Variants in SEC14L6 observed in about 807,000 individuals in gnomAD.
The protein encoded by SEC14L6 is SEC14 like lipid binding 6, also known as SEC14-like protein 6.
A neutral mutation model predicts 54.1 loss-of-function variants in SEC14L6; 40 were observed. The ratio of observed to expected loss-of-function variants is 0.74; its 90% CI spans 0.57 to 0.96. SEC14L6 has a LOEUF of 0.96. Among genes scored for constraint, SEC14L6 ranks in the 40% least tolerant of loss-of-function variants. The pLI is 0.00. For missense variants in SEC14L6, 471 were observed against 498.3 expected, an observed-to-expected ratio of 0.95 and a Z score of 0.52; for synonymous variants, 171 against 198.4, an observed-to-expected ratio of 0.86 and a Z score of 1.16.
At chr22:30,543,213 G>A in intron 1 of SEC14L6, 4 of 1,603,478 alleles carry the variant, frequency 2.5e-6, no homozygotes, top group Non-Finnish European at 3.4e-6. Flanking sequence ...CAGCCAATGT[G>A]GTGCTGACCC....
At chr22:30,533,643 C>T (rs1005407621) in intron 3 of SEC14L6, among the ~76,000 whole-genome samples, 3 of 152,052 alleles carry the variant, frequency 2.0e-5, no homozygotes, top group African/African-American at 7.2e-5. Context: ...CACCTCAGGG[C>T]CTTTGCATGA....
Position 30,534,028 on chromosome 22 carries a change from C to G in SEC14L6, c.142G>C (p.Asp48His). 7 of 1,550,858 alleles carry G rather than the reference C, an allele frequency of 4.5e-6. No individual in the cohort carries two copies. Among genetic ancestry groups the G allele is most frequent in the Non-Finnish European group, 5.2e-6 (6 of 1,147,010 alleles). ...LLRWLQARSF[D>H]LQKSEDMLRK... ...AGCATGTCCTCTGATTTCTGCAGGT[C>G]AAAGCTCCGAGCTGCAACAAGAGAC... Residue 48 changes from aspartate (D) to histidine (H), a missense_variant, in exon 3 of 12, where the codon GAC (aspartate) becomes CAC (histidine). Transcript: ENST00000402034.
chr22:30,543,348 A>G, intron 1 of SEC14L6: 1 of 1,572,492 alleles, frequency 6.4e-7, no homozygotes, highest in Non-Finnish European at 8.8e-7. Flanking sequence ...AGGTTACTCA[A>G]CAGCCCATGA....
chr22:30,535,818 C>T lies in SEC14L6; in HGVS notation c.131-1779G>A, dbSNP rs1937121999. On this transcript the variant is annotated intron_variant, in intron 2 of 11. Coordinates refer to ENST00000402034, the MANE Select transcript of SEC14L6 (RefSeq NM_001193336.4). ...CTCAACTTCCCAGGCTCAAGTGATCCTCCTACCTCAGCCTCCCCAGTAGCT... is the reference window on the plus strand; with the variant it reads ...CTCAACTTCCCAGGCTCAAGTGATCTTCCTACCTCAGCCTCCCCAGTAGCT... Among the ~76,000 whole-genome samples, 3 of 152,100 alleles carry T rather than the reference C, an allele frequency of 2.0e-5. No individual in the cohort carries two copies. In the South Asian group the frequency reaches 6.2e-4, roughly 32 times the overall value.
In SEC14L6 at chr22:30,524,839, C is replaced by T. The variant is rs150405023; in HGVS notation, c.*158G>A. 7.8e-4 allele frequency: 470 copies of T among 604,620 alleles called. 3 individuals carry two copies. The East Asian group carries it at 7.9e-3, about 10-fold the overall frequency. 37.5% of individuals were successfully genotyped at this position (604,620 alleles called of 1,614,324 possible). A position where few individuals can be genotyped will look rare whatever the true frequency, so the allele number is the denominator to read the frequency against. On this transcript the variant is annotated 3_prime_UTR_variant, in exon 12 of 12. Transcript: ENST00000402034. ...GCCACCACTAGGACACTGTCCCAGC[C>T]GTTCCTGAGGAGTGGGCCAGCTGTG...
intron 2 of SEC14L6, among the ~76,000 whole-genome samples, chr22:30,537,748 T>C (rs774215703): frequency 1.3e-5 from 2 of 152,248 alleles, no homozygotes; most frequent in African/African-American, 2.4e-5. Context: ...GTTATCTTTC[T>C]ATTGTTCTGT....
At position 30,534,951 on chromosome 22, in the gene SEC14L6, G is replaced by A. The variant is rs1044840093; in HGVS notation, c.131-912C>T. ...GAGGCAGGAGAATCACTTGAACCCA[G>A]GAGGTGGAGGTTGCAGTGACATTGC... is the stretch of plus-strand genomic sequence containing the variant. On this transcript the variant is annotated intron_variant, in intron 2 of 11. Transcript: ENST00000402034. 4.0e-5 allele frequency among the ~76,000 whole-genome samples: 6 copies of A among 151,898 alleles called. No individual in the cohort carries two copies. In the South Asian group the frequency reaches 1.2e-3, roughly 32 times the overall value.
In SEC14L6 at chr22:30,543,075, C is replaced by CT. The variant is rs142544112; in HGVS notation, c.54+3553dup. Reference sequence around the variant, plus strand: ...CACCTGACCACACAGTGAGCTTCACCTGCGAGTCTCATGGCTTCTCACCCA... The same window carrying CT: ...CACCTGACCACACAGTGAGCTTCACCTTGCGAGTCTCATGGCTTCTCACCCA... On this transcript the variant is annotated intron_variant, in intron 1 of 11. Transcript: ENST00000402034. 166 of 1,599,034 alleles carry CT rather than the reference C, an allele frequency of 1.0e-4. 2 individuals are homozygous for CT. In the East Asian group the frequency reaches 2.8e-3, roughly 27 times the overall value.
intron 2 of SEC14L6, among the ~76,000 whole-genome samples, chr22:30,536,900 T>G (rs967614285): frequency 6.6e-6 from 1 of 151,142 alleles, no homozygotes; most frequent in African/African-American, 2.4e-5. Context: ...GGCGGGCACC[T>G]GTAAACCCAG....
Position 30,528,994 on chromosome 22 carries a change from C to T in SEC14L6, c.664+93G>A, listed in dbSNP as rs908686408. ...CCCTCAACACCAGTTGGGTGCCCTACACCTTCGGATGCAGGAACCATCAGA... is the reference window on the plus strand; with the variant it reads ...CCCTCAACACCAGTTGGGTGCCCTATACCTTCGGATGCAGGAACCATCAGA... On this transcript the variant is annotated intron_variant, in intron 8 of 11. Coordinates refer to ENST00000402034, the MANE Select transcript of SEC14L6 (RefSeq NM_001193336.4). 7.8e-6 allele frequency: 9 copies of T among 1,156,210 alleles called. No homozygotes were observed. In the African/African-American group the frequency reaches 1.1e-4, roughly 14 times the overall value. 71.6% of individuals were successfully genotyped at this position (1,156,210 alleles called of 1,614,324 possible).
chr22:30,527,148 A>G (rs1936804110), intron 8 of SEC14L6, among the ~76,000 whole-genome samples: 1 of 151,542 alleles, frequency 6.6e-6, no homozygotes, highest in African/African-American at 2.4e-5. Flanking sequence ...TCAAATATAT[A>G]CATATATATA....
Position 30,532,505 on chromosome 22 carries a change from C to T in SEC14L6, c.423+20G>A. On this transcript the variant is annotated intron_variant, in intron 5 of 11. Coordinates refer to ENST00000402034, the MANE Select transcript of SEC14L6 (RefSeq NM_001193336.4). ...GGGTGCTGTGTCCGGCTGCAGCTGCCCAGGGTGGCACCCACACACCTTCTG... is the reference window on the plus strand; with the variant it reads ...GGGTGCTGTGTCCGGCTGCAGCTGCTCAGGGTGGCACCCACACACCTTCTG... The T allele has an allele frequency of 6.5e-7, 1 of 1,537,592 alleles. No homozygotes were observed. Among genetic ancestry groups the T allele is most frequent in the Non-Finnish European group, 8.8e-7 (1 of 1,139,342 alleles).
rs540575754 is a variant in SEC14L6 at position 30,529,078 on chromosome 22, C to T, written c.664+9G>A. Reference sequence around the variant, plus strand: ...AGGCTGGAAAAGAGGCCGCAGAGGGCTCACTCACCTCCGAGAATCACCACC... The same window carrying T: ...AGGCTGGAAAAGAGGCCGCAGAGGGTTCACTCACCTCCGAGAATCACCACC... On this transcript the variant is annotated intron_variant, in intron 8 of 11. Transcript: ENST00000402034. The T allele has an allele frequency of 9.7e-6, 15 of 1,548,236 alleles. No individual in the cohort carries two copies. The highest frequency in any genetic ancestry group is 2.4e-5 in the East Asian group (1 of 40,900).
intron 5 of SEC14L6, 99 bp downstream of exon 5, chr22:30,532,426 G>T: frequency 7.3e-7 from 1 of 1,364,802 alleles, no homozygotes; most frequent in Non-Finnish European, 9.8e-7. Flanking sequence ...AGGAGGAGCC[G>T]AGGAGCCCAG....
rs997815497 is a variant in SEC14L6 at position 30,523,739 on chromosome 22, G to T, written c.*1258C>A. 2 of 152,208 alleles carry T rather than the reference G, an allele frequency of 1.3e-5. No individual in the cohort carries two copies. The highest frequency in any genetic ancestry group is 4.8e-5 in the African/African-American group (2 of 41,442). 9.4% of individuals were successfully genotyped at this position (152,208 alleles called of 1,614,324 possible). ...AGATGCTATAACAGTGGGAGGGAAC[G>T]TGTATGTGGAAGACAGAATAGAGAG... On this transcript the variant is annotated 3_prime_UTR_variant, in exon 12 of 12. Transcript: ENST00000402034.
chr22:30,537,012 ACT>A (rs2085610559), intron 2 of SEC14L6, among the ~76,000 whole-genome samples: 1 of 113,492 alleles, frequency 8.8e-6, no homozygotes, highest in Non-Finnish European at 1.7e-5. Context: ...TGACAGTGAG[ACT>A]CTGACTCAAA....
chr22:30,538,335 CAAA>C (rs112815330), intron 2 of SEC14L6, among the ~76,000 whole-genome samples: 3 of 92,930 alleles, frequency 3.2e-5, no homozygotes, highest in Admixed American at 1.1e-4. Context: ...TCCGTCTCAA[CAAA>C]AAAAAAAAAA....
chr22:30,531,621 G>A (rs1212479937), intron 6 of SEC14L6, among the ~76,000 whole-genome samples: 2 of 152,194 alleles, frequency 1.3e-5, no homozygotes, highest in African/African-American at 2.4e-5. Context: ...CTACTCGGGA[G>A]GCTGAGGCAG....
At position 30,524,960 on chromosome 22, in the gene SEC14L6, A is replaced by C; in HGVS notation, c.*37T>G. On this transcript the variant is annotated 3_prime_UTR_variant, in exon 12 of 12. Coordinates refer to ENST00000402034, the MANE Select transcript of SEC14L6 (RefSeq NM_001193336.4). ...GGCTGTGAACTCATTGTGGATTCAG[A>C]GATCAAAGAGGAGGGTGTGGGGACC... 9.5e-7 allele frequency: 1 copy of C among 1,047,864 alleles called. No homozygotes were observed. 64.9% of individuals were successfully genotyped at this position (1,047,864 alleles called of 1,614,324 possible). A position where few individuals can be genotyped will look rare whatever the true frequency, so the allele number is the denominator to read the frequency against.
Sources: gnomAD v4.1 joint callset for allele counts (sites outside exome capture counted in the v4.1 genomes callset) on GRCh38, gnomAD v4.1.1 for gene constraint, MANE v1.5 for transcripts, NCBI Gene and HGNC (gene_info 2026-07-23, HGNC 2026-07-21) for gene names.